Variants in RGS6 observed in about 807,000 individuals in gnomAD.
The protein encoded by RGS6 is regulator of G protein signaling 6.
RGS6 carries 30 observed loss-of-function variants against 78.5 expected under a neutral mutation model. The ratio of observed to expected loss-of-function variants is 0.38; its 90% confidence interval spans 0.29 to 0.52. The LOEUF (loss-of-function observed/expected upper bound fraction) is 0.52, where lower values mean the gene tolerates loss of function less well. RGS6 is among the 20% of genes least tolerant of loss of function. The probability of loss-of-function intolerance (pLI) is 0.85; values close to 1 mark genes in which losing one functional copy is unlikely to be tolerated. For synonymous variants in RGS6, 206 were observed against 206.0 expected, an observed-to-expected ratio of 1.00 and a Z score of 0.00; for missense variants, 495 against 609.7, an observed-to-expected ratio of 0.81 and a Z score of 1.98.
At chr14:72,506,444 ATTATT>A (rs2096800615) in intron 13 of RGS6, among the ~76,000 whole-genome samples, 1 of 152,242 alleles carries the variant, frequency 6.6e-6, no homozygotes, top group South Asian at 2.1e-4. Context: ...AATTTGCAGA[ATTATT>A]TTATAACCAT....
the RGS6 span, among the ~76,000 whole-genome samples, chr14:71,906,291 A>G: frequency 6.6e-6 from 1 of 152,220 alleles, no homozygotes; most frequent in African/African-American, 2.4e-5. Flanking sequence ...CTGTCCCTCT[A>G]GAAAAGGTGG....
chr14:72,146,118 A>G (rs944130845), intron 2 of RGS6, among the ~76,000 whole-genome samples: 1 of 152,202 alleles, frequency 6.6e-6, no homozygotes, highest in African/African-American at 2.4e-5. Context: ...GCAAGAGAGC[A>G]CACATGCCAC....
intron 2 of RGS6, among the ~76,000 whole-genome samples, chr14:72,115,795 G>C (rs2095872772): frequency 6.6e-6 from 1 of 152,204 alleles, no homozygotes; most frequent in South Asian, 2.1e-4. Context: ...GGGAAACACA[G>C]TTCCAGCTTA....
At chr14:72,270,336 A>G (rs1383477872) in intron 2 of RGS6, among the ~76,000 whole-genome samples, 1 of 152,246 alleles carries the variant, frequency 6.6e-6, no homozygotes, top group Non-Finnish European at 1.5e-5. Context: ...GGAATCCTCT[A>G]GGGTAGGGAG....
intron 2 of RGS6, among the ~76,000 whole-genome samples, chr14:72,019,392 T>C (rs999753520): frequency 5.9e-5 from 9 of 152,230 alleles, no homozygotes; most frequent in Non-Finnish European, 1.3e-4. Context: ...CATGCTTGTC[T>C]GTGAGAATTA....
At chr14:71,948,674 C>T (rs1370967159) in intron 1 of RGS6, among the ~76,000 whole-genome samples, 1 of 151,422 alleles carries the variant, frequency 6.6e-6, no homozygotes, top group Non-Finnish European at 1.5e-5. Context: ...TGGGCCCTCC[C>T]AGTAAGTACA....
intron 16 of RGS6, among the ~76,000 whole-genome samples, chr14:72,538,904 C>T (rs912090760): frequency 6.6e-6 from 1 of 152,388 alleles, no homozygotes; most frequent in Non-Finnish European, 1.5e-5. Flanking sequence ...TTGGCCTGTC[C>T]CCTCTGCTTT....
At chr14:72,473,828 A>C (rs1366202463) in intron 9 of RGS6, 1 of 152,230 alleles carries the variant, frequency 6.6e-6, no homozygotes, top group Non-Finnish European at 1.5e-5. Flanking sequence ...ATTCATTAAC[A>C]TTAAACTCAT....
At chr14:72,490,489 C>T (rs1336160272) in intron 12 of RGS6, among the ~76,000 whole-genome samples, 1 of 152,196 alleles carries the variant, frequency 6.6e-6, no homozygotes, top group Non-Finnish European at 1.5e-5. Flanking sequence ...ATTTATAGGA[C>T]AGAGGATGTG....
chr14:72,550,298 G>A (rs1285573994), intron 17 of RGS6, among the ~76,000 whole-genome samples: 1 of 152,182 alleles, frequency 6.6e-6, no homozygotes, highest in African/African-American at 2.4e-5. Flanking sequence ...ATCAGGTGCA[G>A]TTGGTGCCTA....
intron 2 of RGS6, among the ~76,000 whole-genome samples, chr14:72,036,517 T>G (rs2153361272): frequency 6.6e-6 from 1 of 152,292 alleles, no homozygotes; most frequent in Middle Eastern, 3.4e-3. Context: ...TCAGCCATTC[T>G]AATATGTGTA....
chr14:72,465,742 T>C lies in RGS6; in HGVS notation c.395-16T>C. On this transcript the variant is annotated splice_polypyrimidine_tract_variant and intron_variant, in intron 6 of 17. Transcript: ENST00000553525. ...TGCTGGTTTTGTACATGTTGTCATT[T>C]CCTTTCTTCCCTCAGCCATCTATCT... The C allele has an allele frequency of 6.2e-7, 1 of 1,606,320 alleles. No homozygotes were observed. The highest frequency in any genetic ancestry group is 1.1e-5 in the South Asian group (1 of 90,842).
At chr14:72,043,128 CTTTA>C (rs776755970) in intron 2 of RGS6, among the ~76,000 whole-genome samples, 39 of 152,076 alleles carry the variant, frequency 2.6e-4, no homozygotes, top group Middle Eastern at 3.4e-3. Context: ...AGTTTTTACT[CTTTA>C]TTTATTAAGG....
At chr14:72,129,068 T>A (rs1417273746) in intron 2 of RGS6, among the ~76,000 whole-genome samples, 1 of 152,198 alleles carries the variant, frequency 6.6e-6, no homozygotes, top group Non-Finnish European at 1.5e-5. Flanking sequence ...TTAGAAATCT[T>A]ATTAGCTTGC....
At chr14:72,227,175 C>CATAA (rs562748528) in intron 2 of RGS6, among the ~76,000 whole-genome samples, 29 of 152,354 alleles carry the variant, frequency 1.9e-4, no homozygotes, top group Non-Finnish European at 3.1e-4. Flanking sequence ...ATCAAATGGA[C>CATAA]ATAAAGAGTT....
intron 16 of RGS6, 40 bp from the exon 17 acceptor site, chr14:72,540,001 T>C: frequency 6.6e-7 from 1 of 1,514,974 alleles, no homozygotes; most frequent in Non-Finnish European, 8.8e-7. Flanking sequence ...ATTTTTTTTT[T>C]CTGTATTTTT....
chr14:72,042,076 G>A (rs573399059), intron 2 of RGS6, among the ~76,000 whole-genome samples: 92 of 151,182 alleles, frequency 6.1e-4, no homozygotes, highest in Non-Finnish European at 1.2e-3. Context: ...TACTTTCAGG[G>A]TATTAATACT....
intron 2 of RGS6, 102 bp from the exon 3 acceptor site, chr14:72,351,993 A>G (rs534794248): frequency 1.3e-5 from 10 of 786,698 alleles, no homozygotes; most frequent in South Asian, 5.6e-5. Flanking sequence ...TGTGATATCT[A>G]TTGTTGACAT....
chr14:72,151,255 C>T (rs780529542), intron 2 of RGS6, among the ~76,000 whole-genome samples: 6 of 152,074 alleles, frequency 3.9e-5, no homozygotes, highest in Non-Finnish European at 8.8e-5. Flanking sequence ...TCAAGCCTTC[C>T]TACGACAATA....
Sources: gnomAD v4.1 joint callset for allele counts (sites outside exome capture counted in the v4.1 genomes callset) on GRCh38, gnomAD v4.1.1 for gene constraint, MANE v1.5 for transcripts, NCBI Gene and HGNC (gene_info 2026-07-23, HGNC 2026-07-21) for gene names.